The following NPC1 variants were observed in gnomAD, a reference collection of about 807,000 sequenced individuals.
The protein encoded by NPC1 is Niemann-Pick C1 protein.
NPC1 carries 85 observed loss-of-function variants against 140.4 expected under a neutral mutation model. The ratio of observed to expected loss-of-function variants is 0.61; its 90% CI spans 0.51 to 0.72. NPC1 has a LOEUF of 0.72. Among genes scored for constraint, NPC1 ranks in the 30% least tolerant of loss-of-function variants. The probability of loss-of-function intolerance (pLI) is 0.00; values close to 1 mark genes in which losing one functional copy is unlikely to be tolerated. For missense variants in NPC1, 1,504 were observed against 1,623.8 expected (o/e 0.93, Z 1.27); for synonymous variants, 656 against 624.8 (o/e 1.05, Z -0.74).
At chr18:23,537,908 A>G (rs74538245) in intron 20 of NPC1, among the ~76,000 whole-genome samples, 2,939 of 152,280 alleles carry the variant, frequency 0.019, 44 homozygotes, top group Middle Eastern at 0.031. Flanking sequence ...TGTTCTTATG[A>G]AAAACCTAAG....
chr18:23,557,877 T>C (rs950756563), intron 6 of NPC1, among the ~76,000 whole-genome samples: 3 of 152,138 alleles, frequency 2.0e-5, no homozygotes, highest in African/African-American at 7.2e-5. Flanking sequence ...GGACAGGGAA[T>C]ATGTAAGATA....
chr18:23,545,767 A>G (rs954711047), intron 11 of NPC1, among the ~76,000 whole-genome samples: 2 of 152,040 alleles, frequency 1.3e-5, no homozygotes, highest in Non-Finnish European at 2.9e-5. Context: ...AATTTTAAAA[A>G]TTTTTTGTAG....
At chr18:23,578,248 A>G (rs1185151883) in intron 1 of NPC1, among the ~76,000 whole-genome samples, 2 of 152,212 alleles carry the variant, frequency 1.3e-5, no homozygotes, top group Non-Finnish European at 2.9e-5. Context: ...GCGTTATTAT[A>G]CCCCTTTTAC....
chr18:23,575,239 T>C (rs959691187), intron 1 of NPC1, among the ~76,000 whole-genome samples: 5 of 152,212 alleles, frequency 3.3e-5, no homozygotes, highest in South Asian at 2.1e-4. Flanking sequence ...CTTGGTACTA[T>C]AGATGTGAAT....
At chr18:23,570,383 T>C (rs1488362163) in intron 3 of NPC1, among the ~76,000 whole-genome samples, 4 of 152,236 alleles carry the variant, frequency 2.6e-5, no homozygotes, top group Admixed American at 1.3e-4. Context: ...CCTAAATAAA[T>C]GTGTTTTGAC....
chr18:23,577,602 T>C (rs1484849356), intron 1 of NPC1, among the ~76,000 whole-genome samples: 2 of 152,246 alleles, frequency 1.3e-5, no homozygotes, highest in Admixed American at 1.3e-4. Flanking sequence ...CAGGTGGAGC[T>C]GCCTGCCAGT....
intron 4 of NPC1, among the ~76,000 whole-genome samples, chr18:23,568,618 G>T (rs1178630927): frequency 6.6e-6 from 1 of 152,178 alleles, no homozygotes; most frequent in Non-Finnish European, 1.5e-5. Context: ...TAAAGTTAGG[G>T]GGAGTTAAAG....
chr18:23,544,276 C>G, intron 13 of NPC1, 68 bp downstream of exon 13: 1 of 1,466,922 alleles, frequency 6.8e-7, no homozygotes, highest in Admixed American at 1.8e-5. Context: ...GAATGCGGAG[C>G]CCAGGAGCCA....
intron 1 of NPC1, among the ~76,000 whole-genome samples, chr18:23,575,217 C>T (rs2059257462): frequency 6.6e-6 from 1 of 152,216 alleles, no homozygotes; most frequent in Admixed American, 6.5e-5. Flanking sequence ...TCTAAAATCC[C>T]CTTACTCAGC....
Position 23,554,890 on chromosome 18 carries a change from G to A in NPC1, c.1421C>T (p.Pro474Leu), listed in dbSNP as rs372445155. 25 of 1,613,884 alleles carry A rather than the reference G, an allele frequency of 1.5e-5. No individual in the cohort carries two copies. The highest frequency in any genetic ancestry group is 2.2e-5 in the East Asian group (1 of 44,896). The change falls in exon 9 of 25, where the codon CCG (proline) becomes CTG (leucine). Residue 474 changes from proline to leucine, a missense_variant. By Grantham distance (98) the Pro-to-Leu change is moderately conservative. Transcript: ENST00000269228. Reference protein sequence around the residue: ...LQDICLAPLSPYNTNCTILSV... With the variant: ...LQDICLAPLSLYNTNCTILSV... ...CAAAATGGTGCAGTTCGTGTTATAC[G>A]GTGAAAGAGGGGCCAAGCAGATGTC...
At chr18:23,571,329 C>A (rs2059199822) in intron 3 of NPC1, among the ~76,000 whole-genome samples, 1 of 151,546 alleles carries the variant, frequency 6.6e-6, no homozygotes, top group Admixed American at 6.6e-5. Context: ...CCAGGCCTGG[C>A]CAACATAGTG....
chr18:23,534,048 T>A (rs1433293332), intron 23 of NPC1: 8 of 350,982 alleles, frequency 2.3e-5, no homozygotes, highest in Non-Finnish European at 3.8e-5. Flanking sequence ...GTTTTTACTC[T>A]TTACCAGGTA....
chr18:23,509,984 CTTT>C (rs71163612), intron 3 of NPC1, among the ~76,000 whole-genome samples: 3 of 122,090 alleles, frequency 2.5e-5, no homozygotes, highest in East Asian at 2.3e-4. Context: ...GGATTTTATT[CTTT>C]TTTTTTTTTT....
At chr18:23,561,560 A>G in intron 4 of NPC1, 33 bp from the exon 5 acceptor site, 1 of 1,610,436 alleles carries the variant, frequency 6.2e-7, no homozygotes, top group Non-Finnish European at 8.5e-7. Flanking sequence ...AAAAGGAGAC[A>G]AGATGCTTGC....
chr18:23,532,095 G>A lies in NPC1; in HGVS notation c.*107C>T, dbSNP rs1270374563. ...TCAAAGCTGCTGCCAAACAACCGAT[G>A]GTTGGCACCATCCGGTGTTCAACTT... On this transcript the variant is annotated 3_prime_UTR_variant, in exon 25 of 25. Coordinates refer to ENST00000269228, the MANE Select transcript of NPC1 (RefSeq NM_000271.5). 42 of 1,612,732 alleles carry A rather than the reference G, an allele frequency of 2.6e-5. No individual in the cohort carries two copies. In the Admixed American group the frequency reaches 6.8e-4, roughly 26 times the overall value.
downstream of NPC1, chr18:23,529,383 G>C: frequency 2.0e-6 from 3 of 1,512,790 alleles, no homozygotes; most frequent in Non-Finnish European, 2.6e-6. Flanking sequence ...CATGTGATTA[G>C]AGTCACTTGA....
intron 9 of NPC1, among the ~76,000 whole-genome samples, chr18:23,552,054 G>C (rs546420738): frequency 6.6e-6 from 1 of 152,288 alleles, no homozygotes; most frequent in Admixed American, 6.5e-5. Flanking sequence ...GAGGATGAGG[G>C]GGATTTCACC....
downstream of NPC1, chr18:23,519,153 C>T (rs550875313): frequency 1.4e-4 from 227 of 1,613,962 alleles, 2 homozygotes; most frequent in South Asian, 1.7e-3. Context: ...ACCTGGTAGT[C>T]GTGCATCATC....
At chr18:23,521,504 C>T (rs375074221), downstream of NPC1, among the ~76,000 whole-genome samples, 20 of 152,230 alleles carry the variant, frequency 1.3e-4, no homozygotes, top group South Asian at 2.7e-3. Context: ...GTAAGTGCTT[C>T]GGCTGTGGCT....
Sources: allele counts gnomAD v4.1 joint callset (sites outside exome capture counted in the v4.1 genomes callset), GRCh38; gene constraint gnomAD v4.1.1; transcripts MANE v1.5; gene names NCBI Gene and HGNC (gene_info 2026-07-23, HGNC 2026-07-21).